Variants in WWOX observed in about 807,000 individuals in gnomAD.
WWOX encodes WW domain-containing oxidoreductase.
In WWOX, 69 loss-of-function variants were observed where a neutral mutation model predicts 46.2. That is an observed-to-expected ratio of 1.49 (90% confidence interval 1.23 to 1.82). WWOX has a LOEUF of 1.82. WWOX is among the 40% of genes most tolerant of loss of function. The pLI, the probability that WWOX is intolerant of heterozygous loss-of-function variation, is 0.00. For missense variants in WWOX, 919 were observed against 542.6 expected, an observed-to-expected ratio of 1.69 and a Z score of -6.89; for synonymous variants, 359 against 202.6, an observed-to-expected ratio of 1.77 and a Z score of -6.56.
At chr16:78,851,483 G>A (rs1478234151) in intron 8 of WWOX, among the ~76,000 whole-genome samples, 2 of 152,214 alleles carry the variant, frequency 1.3e-5, no homozygotes, top group East Asian at 3.8e-4. Flanking sequence ...TGACTCAAAT[G>A]CTTGGTTGCC....
At chr16:78,942,023 T>C (rs577181686) in intron 8 of WWOX, among the ~76,000 whole-genome samples, 152 of 152,290 alleles carry the variant, frequency 1.0e-3, no homozygotes, top group Non-Finnish European at 1.2e-3. Context: ...GAGCATTTCT[T>C]TCCCACTCTC....
rs1210947437 is a variant in WWOX at position 78,593,979 on chromosome 16, G to C, written c.1056+161227G>C. On this transcript the variant is annotated intron_variant, in intron 8 of 8. Transcript: ENST00000566780. ...GTCCCACTATCATTATATCCAACTT[G>C]TGTAATTAGAAACACTATTTAAGTC... Among the ~76,000 whole-genome samples the C allele has an allele frequency of 2.0e-5, 3 of 152,254 alleles. No homozygotes were observed. In the South Asian group the frequency reaches 6.2e-4, roughly 32 times the overall value.
intron 8 of WWOX, among the ~76,000 whole-genome samples, chr16:79,177,737 G>A (rs2050829407): frequency 6.6e-6 from 1 of 152,172 alleles, no homozygotes; most frequent in Admixed American, 6.5e-5. Context: ...TTTACAAAAA[G>A]GGTCAGCAGA....
chr16:78,984,589 G>C (rs1269857700), intron 8 of WWOX, among the ~76,000 whole-genome samples: 1 of 152,188 alleles, frequency 6.6e-6, no homozygotes, highest in East Asian at 1.9e-4. Context: ...ACTTTGTTCG[G>C]AGAGATACTG....
At chr16:78,241,710 G>C (rs2037655389) in intron 5 of WWOX, among the ~76,000 whole-genome samples, 1 of 152,140 alleles carries the variant, frequency 6.6e-6, no homozygotes, top group South Asian at 2.1e-4. Flanking sequence ...AAAGTGTTGG[G>C]ATTACAGGCG....
At chr16:78,368,466 C>G (rs769326091) in intron 5 of WWOX, among the ~76,000 whole-genome samples, 3 of 152,160 alleles carry the variant, frequency 2.0e-5, no homozygotes, top group Non-Finnish European at 4.4e-5. Flanking sequence ...AGTAAGGCCT[C>G]TTTTCAATGT....
intron 8 of WWOX, among the ~76,000 whole-genome samples, chr16:79,088,748 C>T (rs1400778831): frequency 1.3e-5 from 2 of 152,164 alleles, no homozygotes; most frequent in Non-Finnish European, 2.9e-5. Flanking sequence ...ACAGTTGCTA[C>T]TTACCGTGGG....
At chr16:79,068,784 C>G (rs1381746625) in intron 8 of WWOX, among the ~76,000 whole-genome samples, 1 of 150,228 alleles carries the variant, frequency 6.7e-6, no homozygotes, top group Non-Finnish European at 1.5e-5. Context: ...GCCCTGCAGC[C>G]TGAGCTATAG....
rs149512722 is a variant in WWOX, at chr16:78,910,926, T to G, written c.1057-300682T>G. On this transcript the variant is annotated intron_variant, in intron 8 of 8. Transcript: ENST00000566780. ...CAAAGTTATGCATATGTTGATCAGC[T>G]CAATTTAGCCTTTCCATCATGTTTA... Among the ~76,000 whole-genome samples, 19 of 152,134 alleles carry G rather than the reference T, an allele frequency of 1.2e-4. 1 individual carries two copies. Among genetic ancestry groups the G allele is most frequent in the African/African-American group, 4.6e-4 (19 of 41,552 alleles).
chr16:78,668,639 G>T (rs576777368), intron 8 of WWOX, among the ~76,000 whole-genome samples: 1 of 152,142 alleles, frequency 6.6e-6, no homozygotes, highest in African/African-American at 2.4e-5. Context: ...GTGACAGCAG[G>T]GGGTGAGGAT....
chr16:78,521,105 T>A (rs1294275738), intron 8 of WWOX, among the ~76,000 whole-genome samples: 1 of 152,202 alleles, frequency 6.6e-6, no homozygotes, highest in Non-Finnish European at 1.5e-5. Flanking sequence ...AGAAATGACT[T>A]CCTTGCTTTA....
At chr16:79,013,636 C>A (rs937511722) in intron 8 of WWOX, among the ~76,000 whole-genome samples, 2 of 152,042 alleles carry the variant, frequency 1.3e-5, no homozygotes, top group Non-Finnish European at 1.5e-5. Context: ...GCCTGGGTCC[C>A]GGGTCTCCTC....
intron 8 of WWOX, among the ~76,000 whole-genome samples, chr16:78,601,771 G>C (rs1484548573): frequency 6.6e-6 from 1 of 152,210 alleles, no homozygotes; most frequent in Non-Finnish European, 1.5e-5. Context: ...GGTATTGTTA[G>C]CAGGCTATTT....
intron 5 of WWOX, among the ~76,000 whole-genome samples, chr16:78,359,680 C>T (rs1315193426): frequency 6.6e-6 from 1 of 152,174 alleles, no homozygotes; most frequent in Admixed American, 6.5e-5. Flanking sequence ...AATAAATTTT[C>T]ATTGTGGAAA....
intron 6 of WWOX, among the ~76,000 whole-genome samples, chr16:78,421,253 A>G (rs879748898): frequency 6.6e-6 from 1 of 152,192 alleles, no homozygotes; most frequent in Non-Finnish European, 1.5e-5. Context: ...AGTGGTTTGC[A>G]GCGTTGGCTC....
intron 8 of WWOX, among the ~76,000 whole-genome samples, chr16:79,084,409 A>G (rs1259154890): frequency 6.6e-6 from 1 of 152,200 alleles, no homozygotes; most frequent in Non-Finnish European, 1.5e-5. Flanking sequence ...AATGGTGATA[A>G]CAGCTTATGA....
chr16:78,749,053 T>G (rs1354596982), intron 8 of WWOX, among the ~76,000 whole-genome samples: 3 of 152,238 alleles, frequency 2.0e-5, no homozygotes, highest in African/African-American at 7.2e-5. Context: ...TCTAAAATTA[T>G]CAATTGCTGA....
At chr16:79,044,770 G>A (rs1214945848) in intron 8 of WWOX, among the ~76,000 whole-genome samples, 1 of 152,212 alleles carries the variant, frequency 6.6e-6, no homozygotes, top group African/African-American at 2.4e-5. Flanking sequence ...AAAGAAGGCA[G>A]TGTCAGAGAA....
At chr16:78,409,326 G>T (rs2082620493) in intron 6 of WWOX, among the ~76,000 whole-genome samples, 1 of 152,128 alleles carries the variant, frequency 6.6e-6, no homozygotes. Flanking sequence ...ATACAGAACA[G>T]TGCCATCACC....
Sources: gnomAD v4.1 joint callset for allele counts (sites outside exome capture counted in the v4.1 genomes callset) on GRCh38, gnomAD v4.1.1 for gene constraint, MANE v1.5 for transcripts, NCBI Gene and HGNC (gene_info 2026-07-23, HGNC 2026-07-21) for gene names.